The following ABHD17C variants were observed in gnomAD, a reference collection of about 807,000 sequenced individuals.
ABHD17C encodes the protein abhydrolase domain containing 17C, depalmitoylase.
In ABHD17C, 11 loss-of-function variants were observed where a neutral mutation model predicts 27.9. That is an observed-to-expected ratio of 0.39 (90% CI 0.25 to 0.65). The LOEUF (loss-of-function observed/expected upper bound fraction) is 0.65. Among genes scored for constraint, ABHD17C ranks in the 30% least tolerant of loss-of-function variants. The pLI, the probability that ABHD17C is intolerant of heterozygous loss-of-function variation, is 0.45. For missense variants in ABHD17C, 280 were observed against 470.2 expected, an observed-to-expected ratio of 0.60 and a Z score of 3.74; for synonymous variants, 233 against 209.1, an observed-to-expected ratio of 1.11 and a Z score of -0.98.
intron 1 of ABHD17C, among the ~76,000 whole-genome samples, chr15:80,719,871 C>T (rs1894867217): frequency 6.6e-6 from 1 of 152,120 alleles, no homozygotes; most frequent in Non-Finnish European, 1.5e-5. Flanking sequence ...GATCTCAGCT[C>T]ACTGCAGCCT....
rs1555421872 is a variant in ABHD17C at position 80,705,362 on chromosome 15, T to TGTGG, written c.590+9346_590+9347insGGTG. Among the ~76,000 whole-genome samples the TGTGG allele has an allele frequency of 8.6e-5, 13 of 150,738 alleles. No individual in the cohort carries two copies. The East Asian group carries it at 1.8e-3, about 21-fold the overall frequency. On this transcript the variant is annotated intron_variant, in intron 1 of 2. Coordinates refer to ENST00000258884, the MANE Select transcript of ABHD17C (RefSeq NM_021214.2). ...GTGTGTGTGTGTGTGTGTGTGTGTG[T>TGTGG]GTGTGGTTAGGAGCATATATTTTAG...
intron 1 of ABHD17C, among the ~76,000 whole-genome samples, chr15:80,725,168 T>C (rs908283700): frequency 2.6e-5 from 4 of 152,216 alleles, no homozygotes; most frequent in Admixed American, 1.3e-4. Flanking sequence ...GGGTCCAGTC[T>C]TACAGAGAAT....
intron 1 of ABHD17C, among the ~76,000 whole-genome samples, chr15:80,717,178 T>TGCTTTACA (rs993031820): frequency 2.0e-5 from 3 of 151,992 alleles, no homozygotes; most frequent in African/African-American, 7.3e-5. Flanking sequence ...TTCACACATG[T>TGCTTTACA]GCTTTACATG....
At chr15:80,739,488 A>G (rs187840795) in intron 1 of ABHD17C, among the ~76,000 whole-genome samples, 356 of 152,266 alleles carry the variant, frequency 2.3e-3, no homozygotes, top group African/African-American at 7.9e-3. Flanking sequence ...TGTTTGGGTC[A>G]TGTGGGTGGA....
intron 1 of ABHD17C, among the ~76,000 whole-genome samples, chr15:80,708,370 C>T (rs1307188691): frequency 6.6e-6 from 1 of 152,078 alleles, no homozygotes; most frequent in Non-Finnish European, 1.5e-5. Context: ...GGCTGGAGTA[C>T]AGTGGCATGA....
At chr15:80,707,728 G>T (rs1289717187) in intron 1 of ABHD17C, among the ~76,000 whole-genome samples, 1 of 152,118 alleles carries the variant, frequency 6.6e-6, no homozygotes, top group African/African-American at 2.4e-5. Context: ...TCATGCTGTG[G>T]TTTGGGAGGG....
intron 1 of ABHD17C, among the ~76,000 whole-genome samples, chr15:80,705,362 T>TGTGTGG (rs1894633168): frequency 2.7e-5 from 4 of 150,736 alleles, no homozygotes; most frequent in Admixed American, 1.3e-4. Context: ...TGTGTGTGTG[T>TGTGTGG]GTGTGGTTAG....
chr15:80,705,368 G>GTGTGTGTGTGTGT (rs1555421876), intron 1 of ABHD17C, among the ~76,000 whole-genome samples: 19 of 4,336 alleles, frequency 4.4e-3, no homozygotes, highest in South Asian at 0.018. Context: ...TGTGTGTGTG[G>GTGTGTGTGTGTGT]TTAGGAGCAT....
Position 80,749,584 on chromosome 15 carries a change from C to T in ABHD17C, c.662C>T (p.Ala221Val). 6.2e-7 allele frequency: 1 copy of T among 1,613,938 alleles called. No homozygotes were observed. The highest frequency in any genetic ancestry group is 8.5e-7 in the Non-Finnish European group (1 of 1,179,860). The change falls in exon 2 of 3, where the codon GCC (alanine) becomes GTC (valine). Residue 221 changes from alanine to valine, a missense_variant. Around this residue, in one of 2 missense-constraint regions of ABHD17C, gnomAD observed 206 missense variants for 394.7 expected, o/e 0.52. Transcript: ENST00000258884. ...SIGTVPTVDL[A>V]SRYECAAVIL... ...GGGACTGTCCCCACGGTAGACTTGG[C>T]CTCGAGGTATGAATGCGCAGCGGTA...
chr15:80,721,001 C>T (rs544912688), intron 1 of ABHD17C, among the ~76,000 whole-genome samples: 1 of 151,770 alleles, frequency 6.6e-6, no homozygotes, highest in East Asian at 1.9e-4. Flanking sequence ...CCTTTGGTCT[C>T]AGAGATTTTC....
chr15:80,731,662 T>C (rs947368130), intron 1 of ABHD17C, among the ~76,000 whole-genome samples: 2 of 151,904 alleles, frequency 1.3e-5, no homozygotes, highest in African/African-American at 4.8e-5. Flanking sequence ...TATAATCTTT[T>C]TTTTTTTTGC....
intron 1 of ABHD17C, among the ~76,000 whole-genome samples, chr15:80,717,434 C>T (rs935511421): frequency 2.9e-4 from 43 of 149,096 alleles, no homozygotes; most frequent in Middle Eastern, 3.5e-3. Context: ...CAATTTGTTG[C>T]GCAGGCTGGA....
intron 1 of ABHD17C, among the ~76,000 whole-genome samples, chr15:80,728,895 G>C (rs1895019080): frequency 6.6e-6 from 1 of 152,192 alleles, no homozygotes. Context: ...ACAGGAATGA[G>C]CCACCACGCC....
chr15:80,695,559 G>T lies in ABHD17C; in HGVS notation c.130G>T (p.Val44Leu). Reference protein sequence around the residue: ...AFLPPEPTYTVLAPEQRGAGA... With the variant: ...AFLPPEPTYTLLAPEQRGAGA... ...CCTGCCGCCCGAGCCCACCTACACG[G>T]TGCTGGCGCCGGAGCAGCGCGGCGC... Residue 44 changes from valine to leucine, a missense_variant, in exon 1 of 3, where the codon GTG becomes TTG. This residue lies in a region of ABHD17C where 74 missense variants were observed against 75.5 expected (regional missense o/e 0.98). Coordinates refer to ENST00000258884, the MANE Select transcript of ABHD17C (RefSeq NM_021214.2). The surrounding 1 kb of genome is among the most constrained non-coding windows in gnomAD (Gnocchi z 4.3). 1 of 1,262,860 alleles carries T rather than the reference G, an allele frequency of 7.9e-7. No homozygotes were observed. The highest frequency in any genetic ancestry group is 1.0e-6 in the Non-Finnish European group (1 of 985,250). The allele number at this position is 1,262,860 out of a possible 1,614,324, so 78.2% of individuals were successfully genotyped here.
At chr15:80,725,966 TCA>T (rs1027126175) in intron 1 of ABHD17C, among the ~76,000 whole-genome samples, 1 of 152,170 alleles carries the variant, frequency 6.6e-6, no homozygotes, top group African/African-American at 2.4e-5. Flanking sequence ...ATCAGGGGTC[TCA>T]CAGCCTTCAG....
In ABHD17C at chr15:80,750,336, C is replaced by T. The variant is rs562861790; in HGVS notation, c.770+644C>T. 8.6e-4 allele frequency among the ~76,000 whole-genome samples: 131 copies of T among 152,242 alleles called. 1 individual carries two copies. Among genetic ancestry groups the T allele is most frequent in the African/African-American group, 2.8e-3 (117 of 41,546 alleles). On this transcript the variant is annotated intron_variant, in intron 2 of 2. Coordinates refer to ENST00000258884, the MANE Select transcript of ABHD17C (RefSeq NM_021214.2). ...TACCACTTTGACCGGAAGATCTCAC[C>T]CCTGCAGAGGTGCCTGCATGAGGAA...
At chr15:80,714,737 C>T (rs879426753) in intron 1 of ABHD17C, among the ~76,000 whole-genome samples, 10 of 152,128 alleles carry the variant, frequency 6.6e-5, no homozygotes, top group South Asian at 2.1e-4. Context: ...ACGCACAAAT[C>T]GGGAGCACCT....
intron 1 of ABHD17C, among the ~76,000 whole-genome samples, chr15:80,707,536 A>AG (rs1567031112): frequency 2.0e-5 from 3 of 151,988 alleles, no homozygotes; most frequent in Non-Finnish European, 2.9e-5. Context: ...CACATGAAAT[A>AG]TACTAATACT....
chr15:80,749,826 A>T (rs1895342234), intron 2 of ABHD17C, 134 bp downstream of exon 2: 2 of 1,046,762 alleles, frequency 1.9e-6, no homozygotes, highest in Non-Finnish European at 2.7e-6. Context: ...GCCACAGGGC[A>T]TGTGGGAGCA....
Sources: gnomAD v4.1 joint callset for allele counts (sites outside exome capture counted in the v4.1 genomes callset) on GRCh38, gnomAD v4.1.1 for gene constraint, gnomAD v4.1.1 regional missense constraint, Gnocchi (gnomAD v3.1) non-coding constraint, MANE v1.5 for transcripts, NCBI Gene and HGNC (gene_info 2026-07-23, HGNC 2026-07-21) for gene names.